ERC2: variants seen among roughly 807,000 people sequenced by gnomAD.
ERC2 encodes ERC protein 2.
ERC2 carries 42 observed loss-of-function variants against 114.8 expected under a neutral mutation model. The observed-to-expected ratio is 0.37, with a 90% CI of 0.29 to 0.47. The LOEUF (loss-of-function observed/expected upper bound fraction) is 0.47. Among genes scored for constraint, ERC2 ranks in the 20% least tolerant of loss-of-function variants. The probability of loss-of-function intolerance (pLI) is 0.99; values close to 1 mark genes in which losing one functional copy is unlikely to be tolerated. For synonymous variants in ERC2, 454 were observed against 425.5 expected (o/e 1.07, Z -0.82); for missense variants, 939 against 1,150.7 (o/e 0.82, Z 2.66).
chr3:55,574,895 G>C (rs963875170), intron 17 of ERC2, among the ~76,000 whole-genome samples: 4 of 152,174 alleles, frequency 2.6e-5, no homozygotes, highest in African/African-American at 9.6e-5. Flanking sequence ...ACCCCTAGCT[G>C]ACCCCACTGC....
At chr3:56,430,581 A>G (rs140149037) in intron 2 of ERC2, among the ~76,000 whole-genome samples, 2,751 of 152,276 alleles carry the variant, frequency 0.018, 85 homozygotes, top group African/African-American at 0.062. Flanking sequence ...TGAGCCTAGG[A>G]GTTCAAGACC....
At chr3:56,179,443 A>T (rs1450372386) in intron 3 of ERC2, among the ~76,000 whole-genome samples, 3 of 152,126 alleles carry the variant, frequency 2.0e-5, no homozygotes. Context: ...TTAAAGGATT[A>T]CTCCCAATGT....
intron 7 of ERC2, among the ~76,000 whole-genome samples, chr3:56,068,155 A>G (rs2076566262): frequency 6.6e-6 from 1 of 152,180 alleles, no homozygotes. Flanking sequence ...TTGGCTGTGA[A>G]TCCATCTGCT....
chr3:56,110,874 G>GGTCA (rs2078922504), intron 6 of ERC2, among the ~76,000 whole-genome samples: 1 of 152,128 alleles, frequency 6.6e-6, no homozygotes, highest in African/African-American at 2.4e-5. Context: ...TGCATCTCAT[G>GGTCA]TCTGCCAAGG....
chr3:56,304,353 G>A (rs922843013), intron 2 of ERC2, among the ~76,000 whole-genome samples: 1 of 152,112 alleles, frequency 6.6e-6, no homozygotes, highest in Non-Finnish European at 1.5e-5. Flanking sequence ...CAAGAAAATG[G>A]ACAAACGACT....
At chr3:56,127,435 T>C (rs781162511) in intron 6 of ERC2, among the ~76,000 whole-genome samples, 15 of 152,072 alleles carry the variant, frequency 9.9e-5, no homozygotes, top group Non-Finnish European at 2.1e-4. Context: ...AAAGCTATAG[T>C]AAACAAACCA....
intron 5 of ERC2, among the ~76,000 whole-genome samples, chr3:56,147,204 C>G (rs2081186613): frequency 6.6e-6 from 1 of 152,252 alleles, no homozygotes; most frequent in African/African-American, 2.4e-5. Context: ...GTCTGCAGGT[C>G]ACCCTAGTAC....
chr3:55,539,773 C>G (rs1202558566), intron 17 of ERC2, among the ~76,000 whole-genome samples: 1 of 151,956 alleles, frequency 6.6e-6, no homozygotes, highest in East Asian at 1.9e-4. Context: ...GCAATAAAAA[C>G]AATATATTTA....
At chr3:56,308,765 T>C (rs1410782932) in intron 2 of ERC2, among the ~76,000 whole-genome samples, 1 of 151,816 alleles carries the variant, frequency 6.6e-6, no homozygotes, top group African/African-American at 2.4e-5. Context: ...TATAAAAATA[T>C]GAATTGGCTT....
chr3:55,692,588 G>A (rs1354398035), intron 16 of ERC2, among the ~76,000 whole-genome samples: 2 of 152,164 alleles, frequency 1.3e-5, no homozygotes, highest in Non-Finnish European at 2.9e-5. Flanking sequence ...GGAGGTGAGA[G>A]AGCAAAAGCC....
intron 14 of ERC2, among the ~76,000 whole-genome samples, chr3:55,887,442 C>T (rs2063400409): frequency 6.6e-6 from 1 of 152,056 alleles, no homozygotes; most frequent in South Asian, 2.1e-4. Flanking sequence ...CACTTCCATA[C>T]CTAGCCACCA....
At chr3:55,666,989 A>G (rs941907361) in intron 17 of ERC2, among the ~76,000 whole-genome samples, 10 of 152,244 alleles carry the variant, frequency 6.6e-5, no homozygotes, top group African/African-American at 2.4e-4. Context: ...TCTTATATGT[A>G]TACATTATTA....
At chr3:56,291,821 CT>C (rs1349310786) in intron 3 of ERC2, among the ~76,000 whole-genome samples, 234 of 141,048 alleles carry the variant, frequency 1.7e-3, no homozygotes, top group African/African-American at 5.9e-3. Context: ...ATTCTTTCTA[CT>C]AAAAAAAAAA....
At chr3:55,795,968 G>A (rs1402821572) in intron 14 of ERC2, among the ~76,000 whole-genome samples, 1 of 152,194 alleles carries the variant, frequency 6.6e-6, no homozygotes, top group African/African-American at 2.4e-5. Flanking sequence ...TTATAGTTGA[G>A]GAGTCACAAA....
chr3:55,725,916 T>A (rs372452937), intron 15 of ERC2, among the ~76,000 whole-genome samples: 1 of 152,216 alleles, frequency 6.6e-6, no homozygotes, highest in Non-Finnish European at 1.5e-5. Flanking sequence ...GGATAAAGAA[T>A]GTTTCCAGGC....
chr3:56,460,837 G>A (rs1577067165), intron 1 of ERC2, among the ~76,000 whole-genome samples: 1 of 152,016 alleles, frequency 6.6e-6, no homozygotes, highest in East Asian at 1.9e-4. Flanking sequence ...AAGCAACATG[G>A]CGGCCTAGCG....
intron 17 of ERC2, among the ~76,000 whole-genome samples, chr3:55,619,621 G>A (rs2059251193): frequency 6.6e-6 from 1 of 152,242 alleles, no homozygotes; most frequent in Non-Finnish European, 1.5e-5. Context: ...CCACTGAGAA[G>A]TAACAAACTG....
At chr3:56,070,332 A>G (rs1323912110) in intron 7 of ERC2, among the ~76,000 whole-genome samples, 1 of 152,200 alleles carries the variant, frequency 6.6e-6, no homozygotes, top group Non-Finnish European at 1.5e-5. Flanking sequence ...ACTATAAGCA[A>G]TAGCTGGCAG....
intron 2 of ERC2, among the ~76,000 whole-genome samples, chr3:56,341,231 T>C (rs1560625836): frequency 6.6e-6 from 1 of 152,196 alleles, no homozygotes; most frequent in Non-Finnish European, 1.5e-5. Flanking sequence ...TTCCTCCATC[T>C]TACAAAGGCT....
Sources: gnomAD v4.1 joint callset for allele counts (sites outside exome capture counted in the v4.1 genomes callset) on GRCh38, gnomAD v4.1.1 for gene constraint, MANE v1.5 for transcripts, NCBI Gene and HGNC (gene_info 2026-07-23, HGNC 2026-07-21) for gene names.